Variants in TOM1L1 observed in about 807,000 individuals in gnomAD.
TOM1L1 encodes TOM1-like protein 1.
TOM1L1 carries 64 observed loss-of-function variants against 63.4 expected under a neutral mutation model. That is an observed-to-expected ratio of 1.01 (90% CI 0.83 to 1.24). The LOEUF (loss-of-function observed/expected upper bound fraction) is 1.24, where lower values mean the gene tolerates loss of function less well. Ranked by LOEUF, TOM1L1 falls within the 50% of genes most tolerant of loss-of-function variation. The probability of loss-of-function intolerance (pLI) is 0.00; values close to 1 mark genes in which losing one functional copy is unlikely to be tolerated. For synonymous variants in TOM1L1, 166 were observed against 194.4 expected (o/e 0.85, Z 1.22); for missense variants, 536 against 567.0 (o/e 0.95, Z 0.55).
At chr17:54,915,519 G>A in intron 6 of TOM1L1, among the ~76,000 whole-genome samples, 1 of 151,914 alleles carries the variant, frequency 6.6e-6, no homozygotes, top group East Asian at 1.9e-4. Flanking sequence ...AATTCCTAAA[G>A]CATATTTTGG....
intron 13 of TOM1L1, 144 bp downstream of exon 13, chr17:54,949,767 A>C: frequency 1.4e-6 from 1 of 736,460 alleles, no homozygotes; most frequent in South Asian, 1.8e-5. Context: ...TTCAGGGCAG[A>C]TACCATTATG....
intron 6 of TOM1L1, 69 bp downstream of exon 6, chr17:54,914,812 G>T (rs1290422510): frequency 8.0e-6 from 10 of 1,257,634 alleles, no homozygotes; most frequent in Admixed American, 1.7e-5. Context: ...TATACAGTTT[G>T]TCTTTTCTGG....
At chr17:54,947,651 CCTT>C (rs2049142246) in intron 12 of TOM1L1, among the ~76,000 whole-genome samples, 1 of 152,186 alleles carries the variant, frequency 6.6e-6, no homozygotes, top group Non-Finnish European at 1.5e-5. Context: ...ATCACTTCCT[CCTT>C]CTTGCACACA....
intron 3 of TOM1L1, among the ~76,000 whole-genome samples, chr17:54,909,611 G>T (rs1330811351): frequency 6.6e-6 from 1 of 152,158 alleles, no homozygotes; most frequent in Non-Finnish European, 1.5e-5. Flanking sequence ...CTGCTTTGTG[G>T]CAGGCTCTTT....
chr17:54,959,389 G>A (rs1230684268), intron 14 of TOM1L1: 1 of 152,172 alleles, frequency 6.6e-6, no homozygotes, highest in African/African-American at 2.4e-5. Flanking sequence ...GAAGTGGAAG[G>A]ATCACTTGAA....
chr17:54,902,415 G>A (rs1449614444), intron 1 of TOM1L1, among the ~76,000 whole-genome samples: 1 of 151,996 alleles, frequency 6.6e-6, no homozygotes, highest in East Asian at 1.9e-4. Flanking sequence ...TCAGCCTCCC[G>A]AGTAGCTGGG....
At chr17:54,907,677 G>A (rs1465584854) in intron 3 of TOM1L1, among the ~76,000 whole-genome samples, 1 of 152,110 alleles carries the variant, frequency 6.6e-6, no homozygotes, top group Non-Finnish European at 1.5e-5. Context: ...CTGTAGAACC[G>A]GAGTAGAAAG....
chr17:54,923,048 T>C (rs1026016442), intron 7 of TOM1L1, among the ~76,000 whole-genome samples: 1 of 152,240 alleles, frequency 6.6e-6, no homozygotes, highest in Non-Finnish European at 1.5e-5. Context: ...GTTTTTGAGG[T>C]TCATCCATGT....
At chr17:54,924,424 T>TGC (rs2048735785) in intron 7 of TOM1L1, among the ~76,000 whole-genome samples, 1 of 151,864 alleles carries the variant, frequency 6.6e-6, no homozygotes, top group African/African-American at 2.4e-5. Flanking sequence ...GGACTACAGG[T>TGC]GCCCGCCACC....
At chr17:54,903,900 ATCAT>A (rs2048367368) in intron 2 of TOM1L1, 108 bp downstream of exon 2, 1 of 937,168 alleles carries the variant, frequency 1.1e-6, no homozygotes, top group Non-Finnish European at 1.6e-6. Context: ...GAGTGTTTTC[ATCAT>A]TCATTAGGCA....
At chr17:54,920,177 G>T (rs147517558) in intron 7 of TOM1L1, among the ~76,000 whole-genome samples, 2 of 152,222 alleles carry the variant, frequency 1.3e-5, no homozygotes, top group African/African-American at 4.8e-5. Context: ...AACTGCAGGG[G>T]CTTTTGGAGG....
chr17:54,901,225 G>A, intron 1 of TOM1L1: 1 of 446,056 alleles, frequency 2.2e-6, no homozygotes, highest in East Asian at 3.8e-5. Flanking sequence ...GCCTCCACGA[G>A]GAGACACCAG....
intron 3 of TOM1L1, among the ~76,000 whole-genome samples, chr17:54,907,299 C>G (rs2048428552): frequency 6.6e-6 from 1 of 152,076 alleles, no homozygotes; most frequent in African/African-American, 2.4e-5. Context: ...GACCAATGCT[C>G]TTGACAACCC....
chr17:54,950,795 T>C (rs1480758088), intron 14 of TOM1L1, among the ~76,000 whole-genome samples: 3 of 152,236 alleles, frequency 2.0e-5, no homozygotes, highest in Admixed American at 1.3e-4. Context: ...CTGTGCAGAA[T>C]TTAAAATGTG....
At chr17:54,932,329 G>A (rs1790889051) in intron 8 of TOM1L1, among the ~76,000 whole-genome samples, 1 of 152,132 alleles carries the variant, frequency 6.6e-6, no homozygotes, top group South Asian at 2.1e-4. Flanking sequence ...ACAGGATAGG[G>A]ATTTTCACAG....
At chr17:54,955,196 T>A (rs969946062) in intron 14 of TOM1L1, 2 of 152,144 alleles carry the variant, frequency 1.3e-5, no homozygotes, top group African/African-American at 4.8e-5. Flanking sequence ...CATCCAGAGG[T>A]CCTGGGAAGC....
chr17:54,903,614 G>T, intron 1 of TOM1L1, 94 bp from the exon 2 acceptor site: 1 of 1,117,458 alleles, frequency 8.9e-7, no homozygotes, highest in South Asian at 1.3e-5. Flanking sequence ...TAAACTTAAT[G>T]ACACTTGCTG....
intron 3 of TOM1L1, among the ~76,000 whole-genome samples, chr17:54,905,949 C>G (rs991455097): frequency 6.6e-6 from 1 of 151,956 alleles, no homozygotes; most frequent in Admixed American, 6.6e-5. Context: ...GTGGGATGAT[C>G]GCTTGAGCCC....
intron 7 of TOM1L1, among the ~76,000 whole-genome samples, chr17:54,922,882 C>T (rs1173928729): frequency 2.0e-5 from 3 of 152,136 alleles, no homozygotes; most frequent in Non-Finnish European, 2.9e-5. Context: ...AAAAGGAAAC[C>T]CCATGCTCAT....
Sources: allele counts gnomAD v4.1 joint callset (sites outside exome capture counted in the v4.1 genomes callset), GRCh38; gene constraint gnomAD v4.1.1; transcripts MANE v1.5; gene names NCBI Gene and HGNC (gene_info 2026-07-23, HGNC 2026-07-21).